Variants in DCDC1 observed in about 807,000 individuals in gnomAD.
The protein encoded by DCDC1 is doublecortin domain containing 1, also known as doublecortin domain-containing protein 1.
A neutral mutation model predicts 178.3 loss-of-function variants in DCDC1; 200 were observed. That is an observed-to-expected ratio of 1.12 (90% CI 1.00 to 1.26). The LOEUF (loss-of-function observed/expected upper bound fraction) is 1.26, where lower values mean the gene tolerates loss of function less well. Ranked by LOEUF, DCDC1 falls within the 50% of genes most tolerant of loss-of-function variation. The pLI, the probability that DCDC1 is intolerant of heterozygous loss-of-function variation, is 0.00. For missense variants in DCDC1, 1,983 were observed against 1,749.2 expected, an observed-to-expected ratio of 1.13 and a Z score of -2.38; for synonymous variants, 690 against 604.8, an observed-to-expected ratio of 1.14 and a Z score of -2.07.
chr11:31,309,441 G>A (rs1948642580), intron 3 of DCDC1, among the ~76,000 whole-genome samples: 1 of 152,144 alleles, frequency 6.6e-6, no homozygotes, highest in Admixed American at 6.5e-5. Context: ...TGATAACGGT[G>A]GTGAGTGACG....
chr11:30,911,252 A>G lies in DCDC1; in HGVS notation c.3747+75T>C, dbSNP rs188477681. 4.1e-6 allele frequency: 5 copies of G among 1,209,952 alleles called. No individual in the cohort carries two copies. In the East Asian group the frequency reaches 1.3e-4, roughly 31 times the overall value. The allele number at this position is 1,209,952 out of a possible 1,614,324, so 75.0% of individuals were successfully genotyped here. Reference sequence around the variant, plus strand: ...CTATGACAGTTTTTTTTTTTCCTCCACTACAAGGAAGCACAAAGCTTTACT... The same window carrying G: ...CTATGACAGTTTTTTTTTTTCCTCCGCTACAAGGAAGCACAAAGCTTTACT... On this transcript the variant is annotated intron_variant, in intron 28 of 38. Coordinates refer to ENST00000684477, the MANE Select transcript of DCDC1 (RefSeq NM_001387274.1).
intron 9 of DCDC1, among the ~76,000 whole-genome samples, chr11:31,184,058 A>T (rs1204908873): frequency 6.6e-6 from 1 of 152,222 alleles, no homozygotes; most frequent in Non-Finnish European, 1.5e-5. Flanking sequence ...TACAGTAACC[A>T]AAGCAGCATT....
At chr11:31,026,691 T>C (rs1317468125) in intron 20 of DCDC1, among the ~76,000 whole-genome samples, 1 of 151,854 alleles carries the variant, frequency 6.6e-6, no homozygotes, top group Admixed American at 6.6e-5. Flanking sequence ...TTACTTAAAC[T>C]ACTGGTAGAG....
chr11:31,296,089 T>TCAGC lies in DCDC1; in HGVS notation c.755-5241_755-5238dup, dbSNP rs541393565. On this transcript the variant is annotated intron_variant, in intron 6 of 38. Transcript: ENST00000684477. ...AGTTTTCTCCTAGTCAGTCAGTCAGTCAGCCAGCCAGCCAGCCAGCCAGCC... is the reference window on the plus strand; with the variant it reads ...AGTTTTCTCCTAGTCAGTCAGTCAGTCAGCCAGCCAGCCAGCCAGCCAGCCAGCC... 8.2e-4 allele frequency among the ~76,000 whole-genome samples: 124 copies of TCAGC among 152,094 alleles called. 1 individual carries two copies. The highest frequency in any genetic ancestry group is 2.7e-3 in the African/African-American group (114 of 41,468).
chr11:31,164,912 C>T (rs180715076), intron 9 of DCDC1, among the ~76,000 whole-genome samples: 9 of 152,224 alleles, frequency 5.9e-5, no homozygotes, highest in African/African-American at 2.2e-4. Flanking sequence ...GTGGTAAGTG[C>T]CCTGTACAGC....
intron 11 of DCDC1, among the ~76,000 whole-genome samples, chr11:31,121,299 A>G (rs1960760241): frequency 6.6e-6 from 1 of 151,586 alleles, no homozygotes; most frequent in African/African-American, 2.4e-5. Flanking sequence ...GAACAATGCA[A>G]TTACAGGTGA....
intron 1 of DCDC1, among the ~76,000 whole-genome samples, chr11:31,362,937 A>G (rs1951784706): frequency 1.3e-5 from 2 of 152,120 alleles, no homozygotes; most frequent in Admixed American, 1.3e-4. Flanking sequence ...GTTTATTACT[A>G]GTAAACTGAC....
At chr11:31,266,390 G>C (rs1451186392) in intron 7 of DCDC1, among the ~76,000 whole-genome samples, 1 of 152,136 alleles carries the variant, frequency 6.6e-6, no homozygotes, top group African/African-American at 2.4e-5. Flanking sequence ...CTACTCACAA[G>C]GTGAGGAAAA....
chr11:31,060,134 G>A (rs984761387), intron 20 of DCDC1, among the ~76,000 whole-genome samples: 15 of 152,026 alleles, frequency 9.9e-5, no homozygotes, highest in African/African-American at 3.6e-4. Flanking sequence ...GACCAATGCA[G>A]TAGAGTTTGA....
intron 20 of DCDC1, among the ~76,000 whole-genome samples, chr11:30,973,874 G>A (rs949647670): frequency 6.6e-6 from 1 of 151,994 alleles, no homozygotes; most frequent in African/African-American, 2.4e-5. Flanking sequence ...TAAACTGCAT[G>A]TTAGACCAAA....
chr11:31,168,575 G>A (rs147456149), intron 9 of DCDC1, among the ~76,000 whole-genome samples: 4 of 152,144 alleles, frequency 2.6e-5, no homozygotes, highest in Non-Finnish European at 5.9e-5. Flanking sequence ...GGGACAAGTC[G>A]GAGAAAATCC....
chr11:31,064,646 A>G lies in DCDC1; in HGVS notation c.2434-20T>C. Reference sequence around the variant, plus strand: ...CAGAACCTAATAAATGAAATATAGGAATCATGTAGCTAATTTTCATTGAAT... The same window carrying G: ...CAGAACCTAATAAATGAAATATAGGGATCATGTAGCTAATTTTCATTGAAT... On this transcript the variant is annotated intron_variant, in intron 19 of 38. Transcript: ENST00000684477. 1.3e-6 allele frequency: 1 copy of G among 764,196 alleles called. No homozygotes were observed. Among genetic ancestry groups the G allele is most frequent in the Non-Finnish European group, 2.4e-6 (1 of 416,746 alleles). 47.3% of individuals were successfully genotyped at this position (764,196 alleles called of 1,614,324 possible).
intron 9 of DCDC1, among the ~76,000 whole-genome samples, chr11:31,236,957 C>G (rs781332424): frequency 2.6e-5 from 4 of 151,696 alleles, no homozygotes; most frequent in Non-Finnish European, 1.5e-5. Flanking sequence ...GATGTAGAAC[C>G]AATAAATTAT....
At chr11:31,002,932 T>C (rs1469930920) in intron 20 of DCDC1, among the ~76,000 whole-genome samples, 1 of 152,096 alleles carries the variant, frequency 6.6e-6, no homozygotes, top group Non-Finnish European at 1.5e-5. Flanking sequence ...AAGAATCCCA[T>C]TCAAAAGGCC....
chr11:31,066,818 A>T (rs934104229), intron 18 of DCDC1, among the ~76,000 whole-genome samples: 1 of 152,202 alleles, frequency 6.6e-6, no homozygotes, highest in African/African-American at 2.4e-5. Context: ...TCAAACCCAT[A>T]GAATGTGCAC....
chr11:30,900,403 G>A lies in DCDC1; in HGVS notation c.4606C>T (p.Leu1536Phe), dbSNP rs1450069265. 1 of 1,581,068 alleles carries A rather than the reference G, an allele frequency of 6.3e-7. No individual in the cohort carries two copies. Among genetic ancestry groups the A allele is most frequent in the Non-Finnish European group, 8.6e-7 (1 of 1,162,864 alleles). The change falls in exon 33 of 39, where the codon CTC becomes TTC. Residue 1536 changes from leucine to phenylalanine, a missense_variant. Coordinates refer to ENST00000684477, the MANE Select transcript of DCDC1 (RefSeq NM_001387274.1). The stretch of plus-strand genomic sequence containing the variant: ...ACCCAGATGGCAATAGGATTTCTGA[G>A]GATGAGGGTAAGCAAAGACTTGTCT... ...GIDKSLLTLI[L>F]RNPIAIWVSC...
chr11:30,903,705 G>T, intron 31 of DCDC1, 22 bp from the exon 32 acceptor site: 2 of 1,553,432 alleles, frequency 1.3e-6, no homozygotes, highest in South Asian at 2.5e-5. Flanking sequence ...AGGCAGTAAG[G>T]ATCTGACAGG....
At chr11:31,213,835 T>C (rs954605767) in intron 9 of DCDC1, among the ~76,000 whole-genome samples, 1 of 151,710 alleles carries the variant, frequency 6.6e-6, no homozygotes, top group African/African-American at 2.4e-5. Flanking sequence ...CTATTACTTG[T>C]TTAAAAAAGG....
intron 18 of DCDC1, among the ~76,000 whole-genome samples, chr11:31,066,124 T>C (rs1956236531): frequency 6.6e-6 from 1 of 152,238 alleles, no homozygotes; most frequent in East Asian, 1.9e-4. Context: ...CCTTACATTT[T>C]GTTTTATGTT....
Sources: allele counts gnomAD v4.1 joint callset (sites outside exome capture counted in the v4.1 genomes callset), GRCh38; gene constraint gnomAD v4.1.1; transcripts MANE v1.5; gene names NCBI Gene and HGNC (gene_info 2026-07-23, HGNC 2026-07-21).